CRACD: variants seen among roughly 807,000 people sequenced by gnomAD.
CRACD encodes capping protein inhibiting regulator of actin dynamics, also known as capping protein-inhibiting regulator of actin dynamics.
A neutral mutation model predicts 106.8 loss-of-function variants in CRACD; 56 were observed. The ratio of observed to expected loss-of-function variants is 0.52; its 90% CI spans 0.42 to 0.66. The LOEUF is 0.66. Ranked by LOEUF, CRACD falls within the 30% of genes least tolerant of loss-of-function variation. CRACD has a pLI of 0.00. For synonymous variants in CRACD, 754 were observed against 670.8 expected (o/e 1.12, Z -1.92); for missense variants, 1,730 against 1,623.2 (o/e 1.07, Z -1.13).
rs78544461 is a variant in CRACD at position 56,164,452 on chromosome 4, T to C, written c.-335-14832T>C. Reference sequence around the variant, plus strand: ...CCTGGCCCAGGAGATAATTTTTTAATTGCTCAAAAAACTATATATTCAGAA... The same window carrying C: ...CCTGGCCCAGGAGATAATTTTTTAACTGCTCAAAAAACTATATATTCAGAA... On this transcript the variant is annotated intron_variant, in intron 1 of 10. Coordinates refer to ENST00000682029, the MANE Select transcript of CRACD (RefSeq NM_001393381.1). Among the ~76,000 whole-genome samples, 1,041 of 152,308 alleles carry C rather than the reference T, an allele frequency of 6.8e-3. 13 individuals are homozygous for C. The highest frequency in any genetic ancestry group is 0.024 in the African/African-American group (998 of 41,556).
intron 1 of CRACD, among the ~76,000 whole-genome samples, chr4:56,078,973 T>G (rs1342396077): frequency 6.6e-6 from 1 of 152,148 alleles, no homozygotes; most frequent in Non-Finnish European, 1.5e-5. Flanking sequence ...AGACCAAAGT[T>G]ATAATGGAGT....
intron 2 of CRACD, among the ~76,000 whole-genome samples, chr4:56,238,931 C>T (rs1282544294): frequency 1.3e-5 from 2 of 152,180 alleles, no homozygotes; most frequent in African/African-American, 2.4e-5. Flanking sequence ...TCCCTCCTTT[C>T]ACTGATTAGG....
At chr4:56,276,072 A>G (rs540634038) in intron 3 of CRACD, among the ~76,000 whole-genome samples, 4 of 152,302 alleles carry the variant, frequency 2.6e-5, no homozygotes, top group African/African-American at 9.6e-5. Flanking sequence ...TTTTTAAAGC[A>G]TTCTTTTCTT....
At position 56,315,341 on chromosome 4, in the gene CRACD, C is replaced by G. The variant is rs912254125; in HGVS notation, c.1839C>G (p.Ile613Met). The change falls in exon 8 of 11, where the codon ATC (isoleucine) becomes ATG (methionine). Residue 613 changes from isoleucine (I) to methionine (M), a missense_variant. This residue lies in a region of CRACD where 1,620 missense variants were observed against 1,481.6 expected (regional missense o/e 1.09). Coordinates refer to ENST00000682029, the MANE Select transcript of CRACD (RefSeq NM_001393381.1). The surrounding 1 kb of genome is among the most constrained non-coding windows in gnomAD (Gnocchi z 4.1). Reference protein sequence around the residue: ...LCGPAVNLSQIKDTACKSLLG... With the variant: ...LCGPAVNLSQMKDTACKSLLG... ...GCCCGGCAGTCAACCTGAGCCAGAT[C>G]AAGGACACCGCGTGCAAGTCCCTCC... 15 of 1,613,742 alleles carry G rather than the reference C, an allele frequency of 9.3e-6. No homozygotes were observed. The highest frequency in any genetic ancestry group is 1.3e-5 in the Non-Finnish European group (15 of 1,179,972).
intron 2 of CRACD, among the ~76,000 whole-genome samples, chr4:56,265,851 T>C (rs1343483117): frequency 6.6e-6 from 1 of 152,196 alleles, no homozygotes; most frequent in Non-Finnish European, 1.5e-5. Context: ...AGAAATCCAA[T>C]GCAGAGGAAT....
chr4:56,323,304 T>C, intron 8 of CRACD, 73 bp from the exon 9 acceptor site: 1 of 1,336,606 alleles, frequency 7.5e-7, no homozygotes, highest in Non-Finnish European at 1.0e-6. Flanking sequence ...GTCACAAGTT[T>C]TAGGGGGTGA....
rs958038081 is a variant in CRACD at position 56,171,517 on chromosome 4, C to T, written c.-335-7767C>T. Reference sequence around the variant, plus strand: ...GCAACAGTTTTTATTTTGGGATTCACAGGTTATTGGTGACTTTGAAAAGTG... The same window carrying T: ...GCAACAGTTTTTATTTTGGGATTCATAGGTTATTGGTGACTTTGAAAAGTG... On this transcript the variant is annotated intron_variant, in intron 1 of 10. Transcript: ENST00000682029. Among the ~76,000 whole-genome samples, 5 of 152,062 alleles carry T rather than the reference C, an allele frequency of 3.3e-5. No individual in the cohort carries two copies. The South Asian group carries it at 6.2e-4, about 19-fold the overall frequency.
At chr4:56,101,555 G>A (rs1733775735) in intron 1 of CRACD, among the ~76,000 whole-genome samples, 1 of 152,064 alleles carries the variant, frequency 6.6e-6, no homozygotes, top group Non-Finnish European at 1.5e-5. Flanking sequence ...CTGAGGTCAG[G>A]AGTTTGACAC....
chr4:56,172,371 T>C lies in CRACD; in HGVS notation c.-335-6913T>C, dbSNP rs555947465. Among the ~76,000 whole-genome samples, 3 of 152,330 alleles carry C rather than the reference T, an allele frequency of 2.0e-5. No individual in the cohort carries two copies. The South Asian group carries it at 6.2e-4, about 32-fold the overall frequency. Reference sequence around the variant, plus strand: ...AGAAATCTTCTGAGTAATTCAGCTGTATTTTCTCTGTTACAATCTGTTCTC... The same window carrying C: ...AGAAATCTTCTGAGTAATTCAGCTGCATTTTCTCTGTTACAATCTGTTCTC... On this transcript the variant is annotated intron_variant, in intron 1 of 10. Coordinates refer to ENST00000682029, the MANE Select transcript of CRACD (RefSeq NM_001393381.1).
At chr4:56,154,187 C>A (rs534064212) in intron 1 of CRACD, among the ~76,000 whole-genome samples, 1 of 152,170 alleles carries the variant, frequency 6.6e-6, no homozygotes, top group South Asian at 2.1e-4. Context: ...GATTGTTGGC[C>A]GGGCATGGTG....
intron 4 of CRACD, among the ~76,000 whole-genome samples, chr4:56,303,342 T>C (rs1560526764): frequency 6.7e-6 from 1 of 150,072 alleles, no homozygotes; most frequent in Non-Finnish European, 1.5e-5. Flanking sequence ...CGAGACTCCT[T>C]TGTAGGAAAA....
intron 1 of CRACD, among the ~76,000 whole-genome samples, chr4:56,101,605 A>T (rs1733776905): frequency 6.6e-6 from 1 of 152,042 alleles, no homozygotes; most frequent in Non-Finnish European, 1.5e-5. Context: ...TCTACTAAAA[A>T]TACAAAAATT....
chr4:56,126,233 C>T (rs913031649), intron 1 of CRACD, among the ~76,000 whole-genome samples: 2 of 152,154 alleles, frequency 1.3e-5, no homozygotes, highest in Middle Eastern at 3.2e-3. Flanking sequence ...CTGCCCCACA[C>T]CAAAACTCAG....
At chr4:56,307,774 T>A (rs772070994) in intron 5 of CRACD, 75 bp downstream of exon 5, 4 of 1,472,374 alleles carry the variant, frequency 2.7e-6, no homozygotes, top group Non-Finnish European at 2.8e-6. Flanking sequence ...AACCCTGGGG[T>A]CTGCAGCAGG....
chr4:56,260,830 C>A (rs1741651300), intron 2 of CRACD, among the ~76,000 whole-genome samples: 2 of 152,154 alleles, frequency 1.3e-5, no homozygotes, highest in African/African-American at 4.8e-5. Flanking sequence ...GAGCCAACTC[C>A]TTGCAATATA....
At chr4:56,051,553 C>T (rs1413321662) in intron 1 of CRACD, among the ~76,000 whole-genome samples, 1 of 152,076 alleles carries the variant, frequency 6.6e-6, no homozygotes, top group African/African-American at 2.4e-5. Flanking sequence ...GTGAGGAAAT[C>T]CAGACATGGC....
intron 3 of CRACD, among the ~76,000 whole-genome samples, chr4:56,273,791 C>T (rs546701940): frequency 2.0e-5 from 3 of 152,272 alleles, no homozygotes; most frequent in Non-Finnish European, 4.4e-5. Flanking sequence ...CCTTGTATTA[C>T]GTGCTCAAAA....
chr4:56,185,977 G>A (rs1253964422), intron 2 of CRACD, among the ~76,000 whole-genome samples: 1 of 152,160 alleles, frequency 6.6e-6, no homozygotes, highest in Non-Finnish European at 1.5e-5. Context: ...CATCTCTTGG[G>A]GAGGCTGATC....
rs1732791994 is a variant in CRACD at position 56,075,018 on chromosome 4, G to T, written c.-336+25719G>T. On this transcript the variant is annotated intron_variant, in intron 1 of 10. Coordinates refer to ENST00000682029, the MANE Select transcript of CRACD (RefSeq NM_001393381.1). ...GATTTGTGTATGTTAAACCTGCTTT[G>T]CATCCCAGGGATGAAGCCGACTTGA... Among the ~76,000 whole-genome samples, 3 of 152,176 alleles carry T rather than the reference G, an allele frequency of 2.0e-5. No homozygotes were observed. The South Asian group carries it at 6.2e-4, about 32-fold the overall frequency.
Sources: gnomAD v4.1 joint callset for allele counts (sites outside exome capture counted in the v4.1 genomes callset) on GRCh38, gnomAD v4.1.1 for gene constraint, gnomAD v4.1.1 regional missense constraint, Gnocchi (gnomAD v3.1) non-coding constraint, MANE v1.5 for transcripts, NCBI Gene and HGNC (gene_info 2026-07-23, HGNC 2026-07-21) for gene names.